LHFPL3: variants seen among roughly 807,000 people sequenced by gnomAD.
The protein encoded by LHFPL3 is LHFPL tetraspan subfamily member 3 protein.
Under a neutral mutation model 19.3 loss-of-function variants are expected in LHFPL3, and 5 were observed. The ratio of observed to expected loss-of-function variants is 0.26; its 90% confidence interval spans 0.14 to 0.54. The LOEUF (loss-of-function observed/expected upper bound fraction) is 0.54, where lower values mean the gene tolerates loss of function less well. Ranked by LOEUF, LHFPL3 falls within the 20% of genes least tolerant of loss-of-function variation. The pLI is 0.94. For synonymous variants in LHFPL3, 133 were observed against 126.2 expected (o/e 1.05, Z -0.36); for missense variants, 249 against 307.4 (o/e 0.81, Z 1.42).
Position 104,533,750 on chromosome 7 carries a change from T to C in LHFPL3, c.446-202925T>C, listed in dbSNP as rs536976629. ...CTGGTTCAGGGACTCCAGATTTGAC[T>C]GCACTGTTTGCTTCCATCTCTGCTA... On this transcript the variant is annotated intron_variant, in intron 1 of 2. Coordinates refer to ENST00000424859, the MANE Select transcript of LHFPL3 (RefSeq NM_199000.3). Among the ~76,000 whole-genome samples the C allele has an allele frequency of 9.8e-5, 15 of 152,330 alleles. No homozygotes were observed. The East Asian group carries it at 2.7e-3, about 27-fold the overall frequency.
intron 1 of LHFPL3, among the ~76,000 whole-genome samples, chr7:104,694,206 A>C (rs1240978003): frequency 6.6e-6 from 1 of 152,230 alleles, no homozygotes; most frequent in Non-Finnish European, 1.5e-5. Context: ...CAATGCAGAA[A>C]ATATCAATTT....
intron 1 of LHFPL3, among the ~76,000 whole-genome samples, chr7:104,561,439 G>T (rs1021875266): frequency 3.5e-4 from 53 of 149,868 alleles, no homozygotes; most frequent in African/African-American, 1.1e-3. Context: ...TTATGTAATG[G>T]CCTTCTTTGT....
chr7:104,691,204 C>G (rs1166568591), intron 1 of LHFPL3, among the ~76,000 whole-genome samples: 1 of 152,198 alleles, frequency 6.6e-6, no homozygotes, highest in Non-Finnish European at 1.5e-5. Context: ...CAGCAGCATT[C>G]CATCATCTAA....
chr7:104,810,571 G>A (rs1790445243), intron 2 of LHFPL3, among the ~76,000 whole-genome samples: 1 of 152,148 alleles, frequency 6.6e-6, no homozygotes. Flanking sequence ...TAGCAAGCTC[G>A]GGGATGTGGA....
intron 1 of LHFPL3, among the ~76,000 whole-genome samples, chr7:104,471,852 C>A (rs1270549223): frequency 6.6e-6 from 1 of 152,152 alleles, no homozygotes; most frequent in African/African-American, 2.4e-5. Context: ...GAAGTTGGAT[C>A]ATTAATGCTT....
At chr7:104,654,877 C>G (rs10249877) in intron 1 of LHFPL3, among the ~76,000 whole-genome samples, 75,900 of 152,038 alleles carry the variant, frequency 0.5, 19,446 homozygotes, top group Non-Finnish European at 0.56. Flanking sequence ...ATGTACAAAC[C>G]AAGCCGACTT....
chr7:104,817,459 A>C (rs1790576728), intron 2 of LHFPL3, among the ~76,000 whole-genome samples: 1 of 152,132 alleles, frequency 6.6e-6, no homozygotes, highest in Non-Finnish European at 1.5e-5. Flanking sequence ...CACATCTTTA[A>C]ACAACCTTCC....
chr7:104,494,009 G>A (rs1007879555), intron 1 of LHFPL3, among the ~76,000 whole-genome samples: 1 of 152,060 alleles, frequency 6.6e-6, no homozygotes, highest in Non-Finnish European at 1.5e-5. Context: ...ATGCTGACAT[G>A]ATAATATATT....
At chr7:104,570,900 C>G (rs1162726037) in intron 1 of LHFPL3, among the ~76,000 whole-genome samples, 2 of 152,142 alleles carry the variant, frequency 1.3e-5, no homozygotes, top group African/African-American at 4.8e-5. Context: ...TTACACCCTA[C>G]TTAAATAATC....
intron 1 of LHFPL3, among the ~76,000 whole-genome samples, chr7:104,690,918 G>T (rs767128821): frequency 1.3e-5 from 2 of 152,210 alleles, no homozygotes; most frequent in South Asian, 4.1e-4. Context: ...AGATCCAATG[G>T]TGCTTGAGGT....
At chr7:104,772,232 C>T (rs1794566109) in intron 2 of LHFPL3, among the ~76,000 whole-genome samples, 1 of 152,122 alleles carries the variant, frequency 6.6e-6, no homozygotes, top group Admixed American at 6.5e-5. Context: ...TTCTCCCAAC[C>T]CAGAGGGATA....
chr7:104,638,704 C>T (rs1791775541), intron 1 of LHFPL3, among the ~76,000 whole-genome samples: 1 of 151,386 alleles, frequency 6.6e-6, no homozygotes, highest in African/African-American at 2.4e-5. Context: ...TATTGATTTA[C>T]ATATGTTGAA....
chr7:104,573,149 A>G (rs1456203014), intron 1 of LHFPL3, among the ~76,000 whole-genome samples: 2 of 152,236 alleles, frequency 1.3e-5, no homozygotes, highest in Non-Finnish European at 2.9e-5. Context: ...GCAGTGGCTC[A>G]TGCCTGTAAT....
chr7:104,352,263 A>G (rs1189097307), intron 1 of LHFPL3, among the ~76,000 whole-genome samples: 1 of 151,984 alleles, frequency 6.6e-6, no homozygotes, highest in Non-Finnish European at 1.5e-5. Context: ...TTATATTTAT[A>G]TTGTAAGCAT....
chr7:104,523,950 A>G lies in LHFPL3; in HGVS notation c.445+194726A>G, dbSNP rs372320738. ...ATCCTAGGAATCAATTATTTAAAAA[A>G]TTCCTTCAGATGATTCTGATGCCGT... On this transcript the variant is annotated intron_variant, in intron 1 of 2. Transcript: ENST00000424859. 6.6e-5 allele frequency among the ~76,000 whole-genome samples: 10 copies of G among 152,298 alleles called. No homozygotes were observed. In the East Asian group the frequency reaches 1.9e-3, roughly 29 times the overall value.
At chr7:104,676,485 A>G (rs1722845277) in intron 1 of LHFPL3, among the ~76,000 whole-genome samples, 1 of 152,252 alleles carries the variant, frequency 6.6e-6, no homozygotes, top group African/African-American at 2.4e-5. Flanking sequence ...AAGCAAAGAT[A>G]TAATGAAAAG....
At chr7:104,685,276 G>T (rs1040897744) in intron 1 of LHFPL3, among the ~76,000 whole-genome samples, 1 of 152,170 alleles carries the variant, frequency 6.6e-6, no homozygotes, top group African/African-American at 2.4e-5. Context: ...GAGCCCGGGA[G>T]GCAGAGGTTG....
At chr7:104,566,206 C>T (rs1314846041) in intron 1 of LHFPL3, among the ~76,000 whole-genome samples, 2 of 152,004 alleles carry the variant, frequency 1.3e-5, no homozygotes, top group Non-Finnish European at 2.9e-5. Flanking sequence ...AAAAAATTTG[C>T]CTGTCATGAT....
At chr7:104,436,356 C>T (rs1161393877) in intron 1 of LHFPL3, among the ~76,000 whole-genome samples, 1 of 152,068 alleles carries the variant, frequency 6.6e-6, no homozygotes, top group African/African-American at 2.4e-5. Flanking sequence ...CTTTAATATT[C>T]TTGCTTTTCG....
Sources: allele counts gnomAD v4.1 joint callset (sites outside exome capture counted in the v4.1 genomes callset), GRCh38; gene constraint gnomAD v4.1.1; transcripts MANE v1.5; gene names NCBI Gene and HGNC (gene_info 2026-07-23, HGNC 2026-07-21).